LPIN1: variants seen among roughly 807,000 people sequenced by gnomAD.
The protein encoded by LPIN1 is lipin 1.
A neutral mutation model predicts 107.5 loss-of-function variants in LPIN1; 71 were observed. The observed-to-expected ratio is 0.66, with a 90% confidence interval of 0.55 to 0.80. The LOEUF is 0.80. Ranked by LOEUF, LPIN1 falls within the 30% of genes least tolerant of loss-of-function variation. The pLI is 0.00. For missense variants in LPIN1, 1,043 were observed against 1,160.6 expected, an observed-to-expected ratio of 0.90 and a Z score of 1.47; for synonymous variants, 445 against 452.6, an observed-to-expected ratio of 0.98 and a Z score of 0.21.
At chr2:11,705,873 T>A (rs1663099821) in intron 1 of LPIN1, among the ~76,000 whole-genome samples, 1 of 152,172 alleles carries the variant, frequency 6.6e-6, no homozygotes, top group African/African-American at 2.4e-5. Context: ...CCTATCCAAA[T>A]TTCATCTTGA....
intron 17 of LPIN1, among the ~76,000 whole-genome samples, chr2:11,807,789 C>T (rs1489395717): frequency 1.3e-5 from 2 of 152,168 alleles, no homozygotes; most frequent in Non-Finnish European, 2.9e-5. Flanking sequence ...ATGGCCAGGG[C>T]TTCTGAAAAC....
intron 8 of LPIN1, among the ~76,000 whole-genome samples, chr2:11,783,010 T>C (rs2148657603): frequency 6.6e-6 from 1 of 152,378 alleles, no homozygotes; most frequent in Non-Finnish European, 1.5e-5. Context: ...CTAACTTGCC[T>C]TTCTCTCCTC....
rs552745939 is a variant in LPIN1, at chr2:11,687,783, C to A, written c.81+10055C>A. ...AGCTCACCAACACTCACGGGGGAGG[C>A]AGCATTGGAGACCAGCCTTATCAGG... On this transcript the variant is annotated intron_variant, in intron 1 of 21. Transcript: ENST00000449576. 1.7e-3 allele frequency among the ~76,000 whole-genome samples: 264 copies of A among 152,370 alleles called. 1 individual carries two copies. Among genetic ancestry groups the A allele is most frequent in the Non-Finnish European group, 3.3e-3 (227 of 68,038 alleles).
At position 11,803,482 on chromosome 2, in the gene LPIN1, G is replaced by A. The variant is rs953712203; in HGVS notation, c.2013+449G>A. Among the ~76,000 whole-genome samples the A allele has an allele frequency of 1.3e-5, 2 of 152,180 alleles. No homozygotes were observed. Among genetic ancestry groups the A allele is most frequent in the African/African-American group, 2.4e-5 (1 of 41,432 alleles). ...TAACCAGGGGCATCACCTGGTCATG[G>A]TGTCCTTTTATTTTTCTGTGTGTGA... On this transcript the variant is annotated intron_variant, in intron 15 of 20. Coordinates refer to ENST00000674199, the MANE Select transcript of LPIN1 (RefSeq NM_001349206.2). The surrounding 1 kb of genome is among the most constrained non-coding windows in gnomAD (Gnocchi z 4.2).
rs904505896 is a variant in LPIN1 at position 11,707,382 on chromosome 2, C to A, written c.82-6374C>A. On this transcript the variant is annotated intron_variant, in intron 1 of 21. Coordinates refer to the LPIN1 transcript ENST00000449576. The surrounding 1 kb of genome is among the most constrained non-coding windows in gnomAD (Gnocchi z 4.2). ...CAGTCTCTGAGGTGGAAGAAGCCACCATGGATGATGAAGAGGTGGCAGGAG... is the reference window on the plus strand; with the variant it reads ...CAGTCTCTGAGGTGGAAGAAGCCACAATGGATGATGAAGAGGTGGCAGGAG... Among the ~76,000 whole-genome samples, 1 of 152,104 alleles carries A rather than the reference C, an allele frequency of 6.6e-6. No individual in the cohort carries two copies. The highest frequency in any genetic ancestry group is 2.1e-4 in the South Asian group (1 of 4,822).
At chr2:11,823,005 TCCTCC>T (rs1681811473) in intron 20 of LPIN1, 1 of 152,128 alleles carries the variant, frequency 6.6e-6, no homozygotes, top group South Asian at 2.1e-4. Context: ...AGAGTAAATC[TCCTCC>T]CCCAGGAAGC....
intron 1 of LPIN1, chr2:11,681,328 T>C (rs1410125236): frequency 6.6e-6 from 1 of 152,174 alleles, no homozygotes; most frequent in Admixed American, 6.5e-5. Flanking sequence ...GGAGGAAAGG[T>C]TTGGTGGGAG....
intron 1 of LPIN1, among the ~76,000 whole-genome samples, chr2:11,681,868 C>T (rs867153046): frequency 7.2e-5 from 11 of 152,204 alleles, no homozygotes; most frequent in Middle Eastern, 3.2e-3. Flanking sequence ...GGCTGGGCGA[C>T]GTCCTCTCCT....
chr2:11,759,146 TTTCTTTC>T (rs1669175327), intron 1 of LPIN1, among the ~76,000 whole-genome samples: 2 of 134,476 alleles, frequency 1.5e-5, no homozygotes, highest in African/African-American at 5.7e-5. Context: ...TCTTTCTTTC[TTTCTTTC>T]TTTCTTTCTT....
intron 13 of LPIN1, among the ~76,000 whole-genome samples, chr2:11,793,948 T>C (rs1462582714): frequency 6.6e-6 from 1 of 152,186 alleles, no homozygotes; most frequent in Non-Finnish European, 1.5e-5. Context: ...CGCTGATTAC[T>C]CTGGGAAAGT....
At chr2:11,790,988 A>G (rs1392219075) in intron 12 of LPIN1, among the ~76,000 whole-genome samples, 1 of 152,132 alleles carries the variant, frequency 6.6e-6, no homozygotes, top group Non-Finnish European at 1.5e-5. Flanking sequence ...CTTTTTTTAA[A>G]AAAAATGTGG....
In LPIN1 at chr2:11,805,440, T is replaced by C. The variant is rs1311093113; in HGVS notation, c.2249+284T>C. On this transcript the variant is annotated intron_variant, in intron 17 of 20. Transcript: ENST00000674199. ...GGCAGCATTAGGGGTGAGACTGAGG[T>C]TTAGTTCATCCCGAGGGATGGCAGA... 10 of 539,176 alleles carry C rather than the reference T, an allele frequency of 1.9e-5. No homozygotes were observed. In the Admixed American group the frequency reaches 2.2e-4, roughly 12 times the overall value. The allele number at this position is 539,176 out of a possible 1,614,324, so 33.4% of individuals were successfully genotyped here. A position where few individuals can be genotyped will look rare whatever the true frequency, so the allele number is the denominator to read the frequency against.
In LPIN1 at chr2:11,771,264, C is replaced by A; in HGVS notation, c.289-108C>A. On this transcript the variant is annotated intron_variant, in intron 3 of 20. Transcript: ENST00000674199. This position sits in a 1 kb window ranked among gnomAD's most constrained non-coding sequence, Gnocchi z 4.8. Reference sequence around the variant, plus strand: ...GCTGGGCCATCTGCTGTGGCCCTCCCCAGGAGGTGCTTGGCCTCTGAAGTG... The same window carrying A: ...GCTGGGCCATCTGCTGTGGCCCTCCACAGGAGGTGCTTGGCCTCTGAAGTG... The A allele has an allele frequency of 9.1e-7, 1 of 1,102,458 alleles. No homozygotes were observed. Among genetic ancestry groups the A allele is most frequent in the East Asian group, 2.4e-5 (1 of 41,354 alleles). 68.3% of individuals were successfully genotyped at this position (1,102,458 alleles called of 1,614,324 possible).
intron 2 of LPIN1, among the ~76,000 whole-genome samples, chr2:11,718,508 G>A (rs770735442): frequency 1.3e-5 from 2 of 152,190 alleles, no homozygotes; most frequent in Non-Finnish European, 2.9e-5. Context: ...TGGGATTACA[G>A]GTGTGTGGAG....
Position 11,765,720 on chromosome 2 carries a change from C to T in LPIN1, c.179C>T (p.Ser60Phe). Residue 60 changes from serine to phenylalanine, a missense_variant, in exon 2 of 21, where the codon TCC becomes TTC. Ser to Phe is a radical substitution (Grantham distance 155, BLOSUM62 -2). Transcript: ENST00000674199. The surrounding 1 kb of genome is among the most constrained non-coding windows in gnomAD (Gnocchi z 4.4). ...TTTGGGAAGATGGGGGTCCTGCGCT[C>T]CCGAGAGAAAGTGGTGAGCTCTCAG... The part of the protein sequence containing the change: ...VRFGKMGVLR[S>F]REKVVDIEIN... 1 of 1,610,676 alleles carries T rather than the reference C, an allele frequency of 6.2e-7. No homozygotes were observed. Among genetic ancestry groups the T allele is most frequent in the Non-Finnish European group, 8.5e-7 (1 of 1,177,306 alleles).
intron 3 of LPIN1, among the ~76,000 whole-genome samples, chr2:11,768,772 TA>T (rs1671358803): frequency 6.6e-6 from 1 of 151,976 alleles, no homozygotes; most frequent in South Asian, 2.1e-4. Context: ...CCATCCCTAC[TA>T]AAAATACAAA....
chr2:11,821,406 A>T (rs1046015450), intron 20 of LPIN1, among the ~76,000 whole-genome samples: 1 of 152,140 alleles, frequency 6.6e-6, no homozygotes, highest in Admixed American at 6.5e-5. Context: ...AATCCCAGCT[A>T]CTCAGGAGGC....
At chr2:11,680,784 G>A (rs11677240) in intron 1 of LPIN1, among the ~76,000 whole-genome samples, 10,431 of 152,146 alleles carry the variant, frequency 0.069, 476 homozygotes, top group Middle Eastern at 0.13. Context: ...GGTGACATTC[G>A]TCTTGGTCAG....
At chr2:11,693,960 G>T (rs1397392170) in intron 1 of LPIN1, among the ~76,000 whole-genome samples, 1 of 144,884 alleles carries the variant, frequency 6.9e-6, no homozygotes, top group Non-Finnish European at 1.5e-5. Flanking sequence ...TCAGCCTCCC[G>T]AATAGCTGGG....
Sources: allele counts gnomAD v4.1 joint callset (sites outside exome capture counted in the v4.1 genomes callset), GRCh38; gene constraint gnomAD v4.1.1; non-coding constraint Gnocchi (gnomAD v3.1); transcripts MANE v1.5; gene names NCBI Gene and HGNC (gene_info 2026-07-23, HGNC 2026-07-21).